The following FREM1 variants were observed in gnomAD, a reference collection of about 807,000 sequenced individuals.
FREM1 encodes FRAS1-related extracellular matrix protein 1.
A neutral mutation model predicts 210.1 loss-of-function variants in FREM1; 220 were observed. That is an observed-to-expected ratio of 1.05 (90% CI 0.94 to 1.17). The LOEUF (loss-of-function observed/expected upper bound fraction) is 1.17, where lower values mean the gene tolerates loss of function less well. Ranked by LOEUF, FREM1 falls within the 50% of genes most tolerant of loss-of-function variation. The pLI, the probability that FREM1 is intolerant of heterozygous loss-of-function variation, is 0.00. For synonymous variants in FREM1, 1,189 were observed against 980.2 expected, an observed-to-expected ratio of 1.21 and a Z score of -3.98; for missense variants, 3,454 against 2,675.5, an observed-to-expected ratio of 1.29 and a Z score of -6.42.
At position 14,847,768 on chromosome 9, in the gene FREM1, C is replaced by T. The variant is rs776552419; in HGVS notation, c.1261+897G>A. On this transcript the variant is annotated intron_variant, in intron 7 of 36. Transcript: ENST00000380880. ...GACATTGAGCAAACCTGGGTGTCAC[C>T]GATCACACATACACGTACAGACTAT... 5.3e-5 allele frequency among the ~76,000 whole-genome samples: 8 copies of T among 152,118 alleles called. No individual in the cohort carries two copies. In the South Asian group the frequency reaches 6.2e-4, roughly 12 times the overall value.
chr9:14,749,128 A>G (rs76411732), intron 30 of FREM1, among the ~76,000 whole-genome samples: 2,978 of 152,310 alleles, frequency 0.02, 92 homozygotes, highest in African/African-American at 0.069. Flanking sequence ...GTAAATCTTA[A>G]TAGAGCGGCT....
chr9:14,859,128 T>C, intron 4 of FREM1, 55 bp downstream of exon 4: 2 of 1,388,560 alleles, frequency 1.4e-6, no homozygotes, highest in Non-Finnish European at 9.8e-7. Flanking sequence ...TGAGCATGCA[T>C]GGATATTTTT....
At chr9:14,757,039 C>G (rs1844517900) in intron 28 of FREM1, among the ~76,000 whole-genome samples, 1 of 150,156 alleles carries the variant, frequency 6.7e-6, no homozygotes, top group Admixed American at 6.6e-5. Flanking sequence ...ACCTGGTGAA[C>G]AACCAGACAA....
At chr9:14,849,140 C>T (rs745405737) in intron 6 of FREM1, among the ~76,000 whole-genome samples, 1 of 152,084 alleles carries the variant, frequency 6.6e-6, no homozygotes, top group African/African-American at 2.4e-5. Context: ...GTGATGTTGT[C>T]CCACTACAGG....
At chr9:14,899,692 T>C (rs569236087) in intron 1 of FREM1, among the ~76,000 whole-genome samples, 140 of 152,250 alleles carry the variant, frequency 9.2e-4, no homozygotes, top group Admixed American at 1.7e-3. Context: ...AAGACACAAA[T>C]AGGCTATATT....
intron 6 of FREM1, among the ~76,000 whole-genome samples, chr9:14,848,993 G>T (rs1163264105): frequency 6.6e-6 from 1 of 152,148 alleles, no homozygotes; most frequent in Non-Finnish European, 1.5e-5. Flanking sequence ...CTACATAAAA[G>T]AATTTATTAA....
intron 10 of FREM1, 61 bp from the exon 11 acceptor site, chr9:14,825,053 C>T: frequency 1.9e-6 from 2 of 1,071,436 alleles, no homozygotes; most frequent in African/African-American, 3.2e-5. Context: ...AAGAAAATGC[C>T]CCACAATCAC....
At chr9:14,779,973 T>C (rs1849385829) in intron 24 of FREM1, among the ~76,000 whole-genome samples, 3 of 152,132 alleles carry the variant, frequency 2.0e-5, no homozygotes, top group Non-Finnish European at 2.9e-5. Flanking sequence ...ATGGTTACGG[T>C]TGAGTTCCCA....
At chr9:14,905,031 C>T (rs1282793846) in intron 1 of FREM1, among the ~76,000 whole-genome samples, 3 of 152,078 alleles carry the variant, frequency 2.0e-5, no homozygotes, top group African/African-American at 7.2e-5. Flanking sequence ...CACATGGAAT[C>T]CTGAAATACA....
At position 14,759,838 on chromosome 9, in the gene FREM1, C is replaced by T. The variant is rs367782112; in HGVS notation, c.5268G>A (p.Val1756=). ...SQTEYEVCEN[V]GLLPLEIIRR... is the part of the protein sequence containing the mutation. Reference sequence around the variant, plus strand: ...TGATAATTTCCAAGGGCAACAAACCCACATTCTCACAGACTTCATATTCGG... The same window carrying T: ...TGATAATTTCCAAGGGCAACAAACCTACATTCTCACAGACTTCATATTCGG... Residue 1756 remains valine, a synonymous_variant, in exon 28 of 37, where the codon GTG becomes GTA. Coordinates refer to ENST00000380880, the MANE Select transcript of FREM1 (RefSeq NM_001379081.2). The T allele has an allele frequency of 4.5e-5, 73 of 1,612,422 alleles. No homozygotes were observed. Among genetic ancestry groups the T allele is most frequent in the Middle Eastern group, 1.6e-4 (1 of 6,078 alleles).
chr9:14,777,704 G>C (rs1848858790), intron 24 of FREM1, among the ~76,000 whole-genome samples: 1 of 152,112 alleles, frequency 6.6e-6, no homozygotes. Context: ...AAATCTGGCA[G>C]ATTTGACTAA....
chr9:14,897,785 G>A (rs1391652078), intron 1 of FREM1, among the ~76,000 whole-genome samples: 1 of 151,762 alleles, frequency 6.6e-6, no homozygotes, highest in Non-Finnish European at 1.5e-5. Flanking sequence ...GTAGAAACAG[G>A]GTCTCAGTAT....
At chr9:14,802,418 C>T (rs1817464167) in intron 19 of FREM1, among the ~76,000 whole-genome samples, 1 of 152,144 alleles carries the variant, frequency 6.6e-6, no homozygotes, top group Admixed American at 6.5e-5. Flanking sequence ...AACAACAATG[C>T]CAAAGGATGC....
At chr9:14,887,013 T>G (rs987058508) in intron 1 of FREM1, among the ~76,000 whole-genome samples, 2 of 152,168 alleles carry the variant, frequency 1.3e-5, no homozygotes, top group Non-Finnish European at 2.9e-5. Flanking sequence ...AAATCAAATT[T>G]AAAGTTTTAA....
chr9:14,886,403 A>AAAC (rs1179086367), intron 1 of FREM1, among the ~76,000 whole-genome samples: 4 of 145,986 alleles, frequency 2.7e-5, no homozygotes, highest in Non-Finnish European at 6.2e-5. Flanking sequence ...AAAAAAAAAA[A>AAAC]AAAAAGGAAA....
At chr9:14,797,466 A>T in intron 21 of FREM1, 32 bp downstream of exon 21, 1 of 1,568,124 alleles carries the variant, frequency 6.4e-7, no homozygotes, top group East Asian at 2.3e-5. Flanking sequence ...ATTGTATAGA[A>T]ATCTGAAAGG....
chr9:14,756,082 C>G lies in FREM1; in HGVS notation c.5407+292G>C, dbSNP rs990596686. ...TTTGTGTTAGAACTTCAAATAATTT[C>G]TAAGTGACTGTATTTTTTTCTGGAT... On this transcript the variant is annotated intron_variant, in intron 29 of 36. Coordinates refer to ENST00000380880, the MANE Select transcript of FREM1 (RefSeq NM_001379081.2). 7.9e-5 allele frequency among the ~76,000 whole-genome samples: 12 copies of G among 152,100 alleles called. 1 individual carries two copies. The highest frequency in any genetic ancestry group is 2.4e-4 in the African/African-American group (10 of 41,404).
intron 21 of FREM1, among the ~76,000 whole-genome samples, chr9:14,793,606 C>G (rs1851802325): frequency 6.6e-6 from 1 of 152,140 alleles, no homozygotes; most frequent in South Asian, 2.1e-4. Flanking sequence ...CCTGGTCTCG[C>G]CAAAGTGAGA....
At chr9:14,812,734 A>C in intron 16 of FREM1, 78 bp downstream of exon 16, 1 of 1,419,822 alleles carries the variant, frequency 7.0e-7, no homozygotes, top group African/African-American at 1.4e-5. Context: ...TGACTGTTTG[A>C]TTATGGGAGC....
Sources: gnomAD v4.1 joint callset for allele counts (sites outside exome capture counted in the v4.1 genomes callset) on GRCh38, gnomAD v4.1.1 for gene constraint, MANE v1.5 for transcripts, NCBI Gene and HGNC (gene_info 2026-07-23, HGNC 2026-07-21) for gene names.